Variants in LHX8 observed in about 807,000 individuals in gnomAD.
LHX8 encodes the protein LIM homeobox 8, also known as LIM/homeobox protein Lhx8.
In LHX8, 12 loss-of-function variants were observed where a neutral mutation model predicts 40.3. The ratio of observed to expected loss-of-function variants is 0.30; its 90% CI spans 0.19 to 0.48. LHX8 has a LOEUF of 0.48. LHX8 is among the 20% of genes least tolerant of loss of function. The pLI is 0.99. For synonymous variants in LHX8, 179 were observed against 162.0 expected (o/e 1.10, Z -0.80); for missense variants, 344 against 433.7 (o/e 0.79, Z 1.84).
chr1:75,169,228 G>A, the LHX8 span, among the ~76,000 whole-genome samples: 142 of 152,146 alleles, frequency 9.3e-4, no homozygotes, highest in Non-Finnish European at 1.8e-3. Context: ...CAAGCTATAC[G>A]CAAGTGGGCA....
chr1:75,180,171 G>T, the LHX8 span, among the ~76,000 whole-genome samples: 13 of 152,098 alleles, frequency 8.5e-5, no homozygotes, highest in South Asian at 2.3e-3. Context: ...ATGTGTCTTG[G>T]GGTTGCTCTT....
upstream of LHX8, among the ~76,000 whole-genome samples, chr1:75,133,344 A>G (rs1648023960): frequency 6.6e-6 from 1 of 152,190 alleles, no homozygotes; most frequent in Non-Finnish European, 1.5e-5. Context: ...CTCCTCCGCT[A>G]GCCGGCTGCT....
intron 5 of LHX8, 42 bp downstream of exon 5, chr1:75,143,380 G>C: frequency 7.1e-7 from 1 of 1,408,092 alleles, no homozygotes; most frequent in African/African-American, 1.4e-5. Context: ...TTGAGACAGT[G>C]AATACAGGAA....
chr1:75,197,200 A>G, the LHX8 span, among the ~76,000 whole-genome samples: 46 of 152,310 alleles, frequency 3.0e-4, no homozygotes, highest in African/African-American at 5.5e-4. Context: ...GGCATGTTTC[A>G]TATCGGAAAT....
chr1:75,164,665 T>A (rs2100371915), downstream of LHX8, among the ~76,000 whole-genome samples: 1 of 152,188 alleles, frequency 6.6e-6, no homozygotes, highest in South Asian at 2.1e-4. Flanking sequence ...AATACAATTT[T>A]AAAAAACTTT....
chr1:75,140,254 TGAAGTG>T (rs1257867192), intron 3 of LHX8, among the ~76,000 whole-genome samples: 4 of 152,248 alleles, frequency 2.6e-5, no homozygotes, highest in Non-Finnish European at 5.9e-5. Context: ...TTTTACTACT[TGAAGTG>T]TAAGTGGAAA....
the LHX8 span, among the ~76,000 whole-genome samples, chr1:75,196,074 C>A: frequency 5.3e-5 from 8 of 152,098 alleles, no homozygotes; most frequent in Non-Finnish European, 8.8e-5. Context: ...TGGACAGTGA[C>A]AATATACTTT....
upstream of LHX8, chr1:75,130,385 C>T: frequency 2.1e-6 from 1 of 470,852 alleles, no homozygotes; most frequent in Non-Finnish European, 3.9e-6. Flanking sequence ...AAACAACTGG[C>T]CCCAGCTGGC....
intron 7 of LHX8, among the ~76,000 whole-genome samples, chr1:75,152,919 C>G (rs563986650): frequency 6.6e-6 from 1 of 152,008 alleles, no homozygotes; most frequent in Admixed American, 6.6e-5. Context: ...TTTTTAAGAC[C>G]GTATGTTTTT....
chr1:75,198,358 G>A, the LHX8 span, among the ~76,000 whole-genome samples: 1 of 152,134 alleles, frequency 6.6e-6, no homozygotes, highest in African/African-American at 2.4e-5. Context: ...TAAAGTCCAG[G>A]TGCTGAAAGT....
At chr1:75,178,922 C>T in the LHX8 span, among the ~76,000 whole-genome samples, 3 of 152,136 alleles carry the variant, frequency 2.0e-5, no homozygotes, top group African/African-American at 7.2e-5. Context: ...GCCTTCATTT[C>T]GTTATTTACC....
rs141641179 is a variant in LHX8, at chr1:75,137,116, C to T, written c.92C>T (p.Ala31Val). 2,746 of 1,606,270 alleles carry T rather than the reference C, an allele frequency of 1.7e-3. 50 individuals carry two copies. The African/African-American group carries it at 0.032, about 19-fold the overall frequency. ...GEEGLVSPEG[A>V]GDEDSCSSSA... ...TTCCTGCAGGTGAGCCCCGAGGGAG[C>T]GGGGGACGAGGACTCGTGCTCCTCC... Residue 31 changes from alanine to valine, a missense_variant, in exon 3 of 9, where the codon GCG becomes GTG. Coordinates refer to ENST00000356261, the MANE Select transcript of LHX8 (RefSeq NM_001256114.2).
At chr1:75,149,968 T>C (rs956524879) in intron 7 of LHX8, among the ~76,000 whole-genome samples, 1 of 152,138 alleles carries the variant, frequency 6.6e-6, no homozygotes, top group Non-Finnish European at 1.5e-5. Context: ...TCTGCCAGGC[T>C]CAGTTGCTCA....
At position 75,136,623 on chromosome 1, in the gene LHX8, G is replaced by C; in HGVS notation, c.9G>C (p.Glu3Asp). MS[E>D]ECGRTTALAA... ...CGCAGTGTCAGGGGCTCATGTCAGAGGAGTGCGGGCGGACTACAGCCCTGG... is the reference window on the plus strand; with the variant it reads ...CGCAGTGTCAGGGGCTCATGTCAGACGAGTGCGGGCGGACTACAGCCCTGG... Residue 3 changes from glutamate to aspartate, a missense_variant, in exon 2 of 9, where the codon GAG (glutamate) becomes GAC (aspartate). Physicochemically the swap from Glu to Asp is conservative, Grantham distance 45. This residue lies in a region of LHX8 where 108 missense variants were observed against 90.1 expected (regional missense o/e 1.20). Coordinates refer to ENST00000356261, the MANE Select transcript of LHX8 (RefSeq NM_001256114.2). 6.5e-7 allele frequency: 1 copy of C among 1,550,078 alleles called. No homozygotes were observed. The highest frequency in any genetic ancestry group is 8.7e-7 in the Non-Finnish European group (1 of 1,146,708).
chr1:75,156,210 TTTGTTGTTG>T (rs71917165), intron 7 of LHX8, among the ~76,000 whole-genome samples: 69 of 149,260 alleles, frequency 4.6e-4, no homozygotes, highest in African/African-American at 1.6e-3. Context: ...TTGTTTGGGC[TTTGTTGTTG>T]TTGTTGTTGT....
upstream of LHX8, chr1:75,130,651 C>T: frequency 1.4e-6 from 2 of 1,429,548 alleles, no homozygotes; most frequent in South Asian, 2.3e-5. Flanking sequence ...AGGTATAAAA[C>T]GGAGTCTGGG....
the LHX8 span, among the ~76,000 whole-genome samples, chr1:75,185,124 C>CG: frequency 0.051 from 7,612 of 148,314 alleles, 204 homozygotes; most frequent in Middle Eastern, 0.097. Context: ...AGCCTACTAG[C>CG]CAAAAAAAAA....
chr1:75,192,802 C>T, the LHX8 span, among the ~76,000 whole-genome samples: 2 of 152,038 alleles, frequency 1.3e-5, no homozygotes, highest in Non-Finnish European at 2.9e-5. Flanking sequence ...AAGTGATTCT[C>T]CTGATTTAGC....
chr1:75,192,870 T>A, the LHX8 span, among the ~76,000 whole-genome samples: 2 of 152,102 alleles, frequency 1.3e-5, no homozygotes, highest in Non-Finnish European at 2.9e-5. Context: ...TTTTTGTATT[T>A]TTAGTAGAGA....
Sources: gnomAD v4.1 joint callset for allele counts (sites outside exome capture counted in the v4.1 genomes callset) on GRCh38, gnomAD v4.1.1 for gene constraint, gnomAD v4.1.1 regional missense constraint, MANE v1.5 for transcripts, NCBI Gene and HGNC (gene_info 2026-07-23, HGNC 2026-07-21) for gene names.